Variants in MCF2L2 observed in about 807,000 individuals in gnomAD.
MCF2L2 encodes the protein MCF.2 cell line derived transforming sequence-like 2.
Under a neutral mutation model 150.2 loss-of-function variants are expected in MCF2L2, and 102 were observed. The observed-to-expected ratio is 0.68, with a 90% confidence interval of 0.58 to 0.80. The LOEUF is 0.80. MCF2L2 is among the 30% of genes least tolerant of loss of function. MCF2L2 has a pLI of 0.00. For missense variants in MCF2L2, 1,256 were observed against 1,372.8 expected (o/e 0.91, Z 1.34); for synonymous variants, 465 against 491.3 (o/e 0.95, Z 0.71).
chr3:183,415,309 C>T (rs1240270985), intron 1 of MCF2L2, among the ~76,000 whole-genome samples: 2 of 152,068 alleles, frequency 1.3e-5, no homozygotes, highest in African/African-American at 4.8e-5. Flanking sequence ...GCCTCAGCCT[C>T]CCAAGTAGGT....
chr3:183,281,893 CTT>C (rs397876715), intron 14 of MCF2L2, among the ~76,000 whole-genome samples: 246 of 121,438 alleles, frequency 2.0e-3, no homozygotes, highest in East Asian at 0.019. Context: ...TTCACAGGGT[CTT>C]TTTTTTTTTT....
At chr3:183,386,793 C>T (rs1336065227) in intron 2 of MCF2L2, among the ~76,000 whole-genome samples, 2 of 152,214 alleles carry the variant, frequency 1.3e-5, no homozygotes, top group African/African-American at 2.4e-5. Flanking sequence ...AGCCTCCTTG[C>T]TGACACTTGC....
At chr3:183,350,903 CAAAA>C (rs553499577) in intron 3 of MCF2L2, among the ~76,000 whole-genome samples, 1 of 105,872 alleles carries the variant, frequency 9.4e-6, no homozygotes, top group East Asian at 2.6e-4. Context: ...GACTCCGTCT[CAAAA>C]AAAAAAAAAA....
chr3:183,334,263 T>C (rs1040880266), intron 5 of MCF2L2, among the ~76,000 whole-genome samples: 2 of 152,222 alleles, frequency 1.3e-5, no homozygotes, highest in African/African-American at 4.8e-5. Flanking sequence ...GAATCTTTAA[T>C]GGATACTAAA....
chr3:183,387,169 G>A (rs758053928), intron 2 of MCF2L2, among the ~76,000 whole-genome samples: 4 of 151,908 alleles, frequency 2.6e-5, no homozygotes, highest in Non-Finnish European at 5.9e-5. Flanking sequence ...GGAGGCTGAG[G>A]TAGGAGGATC....
chr3:183,289,463 G>T (rs1345310397), intron 13 of MCF2L2, among the ~76,000 whole-genome samples: 1 of 152,142 alleles, frequency 6.6e-6, no homozygotes, highest in African/African-American at 2.4e-5. Flanking sequence ...GTCACACCCA[G>T]CACCATATGA....
chr3:183,352,186 C>T (rs6443870), intron 3 of MCF2L2, among the ~76,000 whole-genome samples: 15,958 of 152,222 alleles, frequency 0.1, 1,334 homozygotes, highest in African/African-American at 0.22. Flanking sequence ...GAAAGTCACT[C>T]TCCATGTTCT....
chr3:183,379,472 G>A lies in MCF2L2; in HGVS notation c.161-61C>T, dbSNP rs1713390439. 4 of 1,169,966 alleles carry A rather than the reference G, an allele frequency of 3.4e-6. No homozygotes were observed. The East Asian group carries it at 1.0e-4, about 30-fold the overall frequency. 72.5% of individuals were successfully genotyped at this position (1,169,966 alleles called of 1,614,324 possible). ...ATGTTGTCCTGTCACACCTCTGCAGGGAAGTTGGGCGAAAGAATATCGGTC... is the reference window on the plus strand; with the variant it reads ...ATGTTGTCCTGTCACACCTCTGCAGAGAAGTTGGGCGAAAGAATATCGGTC... On this transcript the variant is annotated intron_variant, in intron 2 of 29. Coordinates refer to ENST00000328913, the MANE Select transcript of MCF2L2 (RefSeq NM_015078.4).
intron 1 of MCF2L2, among the ~76,000 whole-genome samples, chr3:183,414,616 C>A (rs1023663777): frequency 2.0e-5 from 3 of 152,030 alleles, no homozygotes; most frequent in Non-Finnish European, 4.4e-5. Flanking sequence ...GGTTGCTTTT[C>A]TTTTCCTAGT....
At chr3:183,322,648 A>C (rs1729859979) in intron 6 of MCF2L2, among the ~76,000 whole-genome samples, 1 of 152,180 alleles carries the variant, frequency 6.6e-6, no homozygotes, top group Non-Finnish European at 1.5e-5. Flanking sequence ...TTCAACTTTG[A>C]TTTTAGATTC....
At chr3:183,324,890 G>C (rs1729959538) in intron 5 of MCF2L2, among the ~76,000 whole-genome samples, 1 of 151,860 alleles carries the variant, frequency 6.6e-6, no homozygotes, top group Non-Finnish European at 1.5e-5. Context: ...AACAATGATA[G>C]ACTGGATTAA....
At chr3:183,372,152 C>T (rs1242578931) in intron 3 of MCF2L2, 1 of 151,980 alleles carries the variant, frequency 6.6e-6, no homozygotes, top group East Asian at 1.9e-4. Flanking sequence ...TCCCTTCACA[C>T]TTCATAATAG....
intron 5 of MCF2L2, among the ~76,000 whole-genome samples, chr3:183,335,167 TTTAGA>T (rs1221334288): frequency 6.6e-6 from 1 of 151,910 alleles, no homozygotes; most frequent in Non-Finnish European, 1.5e-5. Context: ...ATGAAAATGT[TTTAGA>T]TTAAAGAAAA....
intron 19 of MCF2L2, 51 bp from the exon 20 acceptor site, chr3:183,223,489 G>A (rs752026526): frequency 4.0e-5 from 55 of 1,362,180 alleles, no homozygotes; most frequent in Non-Finnish European, 5.2e-5. Flanking sequence ...AACACACACA[G>A]AATAAAAGTG....
chr3:183,229,250 G>C (rs1723461013), intron 17 of MCF2L2, among the ~76,000 whole-genome samples: 1 of 152,170 alleles, frequency 6.6e-6, no homozygotes, highest in African/African-American at 2.4e-5. Context: ...CAACTTGTTT[G>C]AGCAGTCAGC....
At chr3:183,262,659 G>C (rs1306988788) in intron 15 of MCF2L2, among the ~76,000 whole-genome samples, 1 of 151,472 alleles carries the variant, frequency 6.6e-6, no homozygotes, top group Non-Finnish European at 1.5e-5. Flanking sequence ...AGGAGCTGAT[G>C]GTGTGTCTGA....
At chr3:183,265,666 T>C (rs1209841515) in intron 15 of MCF2L2, 2 of 152,300 alleles carry the variant, frequency 1.3e-5, no homozygotes, top group Non-Finnish European at 2.9e-5. Context: ...ATGTTCAATT[T>C]GGAGGAATTC....
At chr3:183,326,492 C>CA (rs890481068) in intron 5 of MCF2L2, among the ~76,000 whole-genome samples, 2,657 of 39,326 alleles carry the variant, frequency 0.068, 250 homozygotes, top group Admixed American at 0.11. Flanking sequence ...AACTCCGTCT[C>CA]AAAAAAAAAA....
chr3:183,272,118 A>G, intron 15 of MCF2L2: 1 of 998,200 alleles, frequency 1.0e-6, no homozygotes, highest in Admixed American at 6.1e-5. Flanking sequence ...AGTGATAGAA[A>G]AGTTGCCAGT....
Sources: gnomAD v4.1 joint callset for allele counts (sites outside exome capture counted in the v4.1 genomes callset) on GRCh38, gnomAD v4.1.1 for gene constraint, MANE v1.5 for transcripts, NCBI Gene and HGNC (gene_info 2026-07-23, HGNC 2026-07-21) for gene names.